SMAP1: variants seen among roughly 807,000 people sequenced by gnomAD.
The protein encoded by SMAP1 is stromal membrane-associated protein 1.
A neutral mutation model predicts 58.5 loss-of-function variants in SMAP1; 24 were observed. That is an observed-to-expected ratio of 0.41 (90% confidence interval 0.30 to 0.58). SMAP1 has a LOEUF of 0.58. SMAP1 is among the 20% of genes least tolerant of loss of function. SMAP1 has a pLI of 0.29. For synonymous variants in SMAP1, 216 were observed against 196.6 expected, an observed-to-expected ratio of 1.10 and a Z score of -0.82; for missense variants, 563 against 566.3, an observed-to-expected ratio of 0.99 and a Z score of 0.06.
intron 3 of SMAP1, among the ~76,000 whole-genome samples, chr6:70,768,327 GC>G (rs1767097952): frequency 1.3e-5 from 2 of 152,078 alleles, no homozygotes; most frequent in South Asian, 4.1e-4. Flanking sequence ...AAGGAATGGT[GC>G]CAGTTCCTCC....
At chr6:70,797,575 A>G (rs549182569) in intron 5 of SMAP1, among the ~76,000 whole-genome samples, 78 of 152,196 alleles carry the variant, frequency 5.1e-4, no homozygotes, top group African/African-American at 1.8e-3. Flanking sequence ...TTTGAACTTT[A>G]TATGAATGGT....
intron 4 of SMAP1, among the ~76,000 whole-genome samples, chr6:70,777,985 C>G (rs1378992573): frequency 6.6e-6 from 1 of 152,126 alleles, no homozygotes; most frequent in Non-Finnish European, 1.5e-5. Context: ...CTCCTGGCCT[C>G]AAGTGATCCC....
chr6:70,815,609 T>G (rs941606303), intron 6 of SMAP1, among the ~76,000 whole-genome samples: 9 of 152,114 alleles, frequency 5.9e-5, no homozygotes, highest in Non-Finnish European at 1.0e-4. Context: ...ATCTAAAAAC[T>G]TTTAATTCTG....
At chr6:70,681,676 GT>G (rs1230984658) in intron 1 of SMAP1, among the ~76,000 whole-genome samples, 3 of 152,226 alleles carry the variant, frequency 2.0e-5, no homozygotes, top group Non-Finnish European at 4.4e-5. Context: ...ATGTGTGTGT[GT>G]TTTTTATTTG....
chr6:70,683,684 G>T lies in SMAP1; in HGVS notation c.118+15543G>T, dbSNP rs769790913. On this transcript the variant is annotated intron_variant, in intron 1 of 10. Coordinates refer to ENST00000370455, the MANE Select transcript of SMAP1 (RefSeq NM_001044305.3). The stretch of plus-strand genomic sequence containing the variant: ...TCCACCCATAAGACCGTGAATAAGT[G>T]GGTTGAGCATTTTGGAAAAATATTT... Among the ~76,000 whole-genome samples the T allele has an allele frequency of 8.0e-4, 121 of 152,136 alleles. 3 individuals carry two copies. The highest frequency in any genetic ancestry group is 7.2e-4 in the Admixed American group (11 of 15,286).
chr6:70,703,485 A>T (rs1420251540), intron 1 of SMAP1, among the ~76,000 whole-genome samples: 1 of 152,240 alleles, frequency 6.6e-6, no homozygotes, highest in African/African-American at 2.4e-5. Flanking sequence ...TTACTTGGAA[A>T]TAGCCTGACT....
At chr6:70,752,624 G>A (rs896214516) in intron 2 of SMAP1, among the ~76,000 whole-genome samples, 10 of 152,076 alleles carry the variant, frequency 6.6e-5, no homozygotes, top group Middle Eastern at 3.4e-3. Context: ...CAGCTAGTTT[G>A]CCCCATATTC....
At chr6:70,823,933 A>G (rs1770002514) in intron 6 of SMAP1, among the ~76,000 whole-genome samples, 2 of 151,314 alleles carry the variant, frequency 1.3e-5, no homozygotes, top group South Asian at 4.2e-4. Flanking sequence ...TCCTGGAGGT[A>G]AAACTCAGAA....
intron 1 of SMAP1, among the ~76,000 whole-genome samples, chr6:70,727,946 C>G (rs192123631): frequency 1.3e-5 from 2 of 152,182 alleles, no homozygotes; most frequent in African/African-American, 2.4e-5. Flanking sequence ...GCCTGTAGTT[C>G]TAGCTACTTG....
At chr6:70,794,788 C>CT (rs34050089) in intron 5 of SMAP1, among the ~76,000 whole-genome samples, 6,596 of 114,938 alleles carry the variant, frequency 0.057, 562 homozygotes, top group African/African-American at 0.2. Flanking sequence ...ATTTTCTTTT[C>CT]TTTTTTTTTT....
chr6:70,744,600 C>T (rs2149876963), intron 2 of SMAP1, among the ~76,000 whole-genome samples: 1 of 152,242 alleles, frequency 6.6e-6, no homozygotes, highest in South Asian at 2.1e-4. Context: ...GGTTCCAAGT[C>T]TTTGTTATTG....
chr6:70,729,602 G>T (rs1239632963), intron 1 of SMAP1, among the ~76,000 whole-genome samples: 6 of 151,934 alleles, frequency 3.9e-5, no homozygotes, highest in Non-Finnish European at 8.8e-5. Context: ...TGGATCTCCT[G>T]CAGTTTTCTG....
intron 2 of SMAP1, among the ~76,000 whole-genome samples, chr6:70,749,039 A>G (rs530758354): frequency 6.6e-6 from 1 of 152,314 alleles, no homozygotes; most frequent in South Asian, 2.1e-4. Flanking sequence ...ACTGCTATAA[A>G]AATACCACCT....
At chr6:70,785,393 C>G (rs566032751) in intron 4 of SMAP1, among the ~76,000 whole-genome samples, 1 of 152,196 alleles carries the variant, frequency 6.6e-6, no homozygotes, top group South Asian at 2.1e-4. Flanking sequence ...ATTAAAAGAA[C>G]TAGAAAAGCA....
intron 1 of SMAP1, among the ~76,000 whole-genome samples, chr6:70,705,081 C>G (rs1233562112): frequency 6.6e-6 from 1 of 152,110 alleles, no homozygotes; most frequent in Non-Finnish European, 1.5e-5. Flanking sequence ...TAAGCATTAA[C>G]CACATTTTTG....
intron 10 of SMAP1, chr6:70,859,379 C>T (rs559731740): frequency 6.5e-7 from 1 of 1,549,480 alleles, no homozygotes; most frequent in African/African-American, 1.4e-5. Context: ...GTGCAATCTA[C>T]TGGCCAATGA....
intron 7 of SMAP1, among the ~76,000 whole-genome samples, chr6:70,848,532 C>G (rs1411541490): frequency 6.6e-6 from 1 of 152,072 alleles, no homozygotes; most frequent in Non-Finnish European, 1.5e-5. Flanking sequence ...TGAGAAGACT[C>G]TGTTCTGGTA....
chr6:70,700,689 G>A lies in SMAP1; in HGVS notation c.119-31689G>A, dbSNP rs572597527. Among the ~76,000 whole-genome samples, 3 of 152,250 alleles carry A rather than the reference G, an allele frequency of 2.0e-5. No homozygotes were observed. In the South Asian group the frequency reaches 6.2e-4, roughly 32 times the overall value. ...AATACAGAAGGAGTCTCTCCCCATA[G>A]CCACCACAGCTGTGAACATGGTGGG... On this transcript the variant is annotated intron_variant, in intron 1 of 10. Coordinates refer to ENST00000370455, the MANE Select transcript of SMAP1 (RefSeq NM_001044305.3).
Position 70,791,700 on chromosome 6 carries a change from T to C in SMAP1, c.426T>C (p.Ser142=). Residue 142 remains serine, a synonymous_variant, in exon 5 of 11, where the codon TCT becomes TCC. Transcript: ENST00000370455. ...CCTGTACTCCACAGATTTCCTCCTC[T>C]GATGCTCCTCTTCAGCCTTTGGTAT... ...NAIAITNISS[S]DAPLQPLVSS... 1 of 1,613,072 alleles carries C rather than the reference T, an allele frequency of 6.2e-7. No individual in the cohort carries two copies. Among genetic ancestry groups the C allele is most frequent in the South Asian group, 1.1e-5 (1 of 90,972 alleles).
Sources: gnomAD v4.1 joint callset for allele counts (sites outside exome capture counted in the v4.1 genomes callset) on GRCh38, gnomAD v4.1.1 for gene constraint, MANE v1.5 for transcripts, NCBI Gene and HGNC (gene_info 2026-07-23, HGNC 2026-07-21) for gene names.